The following CTNNBL1 variants were observed in gnomAD, a reference collection of about 807,000 sequenced individuals.
CTNNBL1 encodes beta-catenin-like protein 1.
Under a neutral mutation model 72.7 loss-of-function variants are expected in CTNNBL1, and 31 were observed. That is an observed-to-expected ratio of 0.43 (90% confidence interval 0.32 to 0.58). The LOEUF (loss-of-function observed/expected upper bound fraction) is 0.58, where lower values mean the gene tolerates loss of function less well. Ranked by LOEUF, CTNNBL1 falls within the 20% of genes least tolerant of loss-of-function variation. The probability of loss-of-function intolerance (pLI) is 0.08; values close to 1 mark genes in which losing one functional copy is unlikely to be tolerated. For synonymous variants in CTNNBL1, 240 were observed against 267.3 expected (o/e 0.90, Z 1.00); for missense variants, 534 against 725.1 (o/e 0.74, Z 3.03).
chr20:37,845,237 G>A (rs1279055751), intron 13 of CTNNBL1, among the ~76,000 whole-genome samples: 1 of 152,112 alleles, frequency 6.6e-6, no homozygotes, highest in Non-Finnish European at 1.5e-5. Context: ...TTTTTTTGAG[G>A]GAGACCTAGT....
Position 37,842,332 on chromosome 20 carries a change from C to G in CTNNBL1, c.1312-7C>G, listed in dbSNP as rs767339864. On this transcript the variant is annotated splice_polypyrimidine_tract_variant and splice_region_variant and intron_variant, in intron 12 of 15. Transcript: ENST00000361383. ...TCTCACTCAAGCCTGTGAAATCTCT[C>G]TTTCAGGTTGACAGACTAATGGAGT... is the stretch of plus-strand genomic sequence containing the variant. 6.2e-6 allele frequency: 10 copies of G among 1,604,626 alleles called. No homozygotes were observed. Among genetic ancestry groups the G allele is most frequent in the Non-Finnish European group, 8.5e-6 (10 of 1,171,320 alleles).
chr20:37,705,992 T>C (rs1193065853), intron 1 of CTNNBL1, among the ~76,000 whole-genome samples: 1 of 152,236 alleles, frequency 6.6e-6, no homozygotes, highest in Non-Finnish European at 1.5e-5. Context: ...ATCTTTTGGT[T>C]TCCCAGTGCA....
At chr20:37,830,537 T>G (rs2122790043) in intron 11 of CTNNBL1, among the ~76,000 whole-genome samples, 2 of 152,294 alleles carry the variant, frequency 1.3e-5, no homozygotes, top group Admixed American at 1.3e-4. Flanking sequence ...GAAAGTCAAA[T>G]TTAGGGATTG....
intron 11 of CTNNBL1, among the ~76,000 whole-genome samples, chr20:37,839,299 CTGTT>C (rs1192614801): frequency 2.6e-5 from 4 of 152,278 alleles, no homozygotes; most frequent in East Asian, 3.9e-4. Flanking sequence ...TTCAAATAAA[CTGTT>C]TGTTGTTCAC....
intron 10 of CTNNBL1, among the ~76,000 whole-genome samples, chr20:37,790,204 A>G (rs2073711425): frequency 6.6e-6 from 1 of 152,236 alleles, no homozygotes; most frequent in Admixed American, 6.5e-5. Context: ...CAAAGCATAT[A>G]GATAGGCCAG....
At chr20:37,736,156 G>T (rs2073169857) in intron 2 of CTNNBL1, among the ~76,000 whole-genome samples, 1 of 152,074 alleles carries the variant, frequency 6.6e-6, no homozygotes. Flanking sequence ...AATTCTTGAT[G>T]CTACTTCAGG....
chr20:37,774,490 A>AT (rs2073556632), intron 7 of CTNNBL1, among the ~76,000 whole-genome samples: 1 of 152,166 alleles, frequency 6.6e-6, no homozygotes, highest in Admixed American at 6.5e-5. Flanking sequence ...TCCTGATTAG[A>AT]TTCTTCCTTC....
intron 7 of CTNNBL1, among the ~76,000 whole-genome samples, chr20:37,772,411 C>T (rs373248287): frequency 7.2e-5 from 11 of 152,230 alleles, no homozygotes; most frequent in African/African-American, 9.6e-5. Context: ...AGTGCAGTGG[C>T]GATCTTGGCT....
chr20:37,704,044 TG>T (rs1175711570), intron 1 of CTNNBL1, among the ~76,000 whole-genome samples: 1 of 152,192 alleles, frequency 6.6e-6, no homozygotes, highest in Non-Finnish European at 1.5e-5. Context: ...CCCAAAGTGC[TG>T]GGATTACAGG....
At chr20:37,812,226 G>A (rs1393941019) in intron 11 of CTNNBL1, among the ~76,000 whole-genome samples, 6 of 152,294 alleles carry the variant, frequency 3.9e-5, no homozygotes, top group Middle Eastern at 3.4e-3. Context: ...AGTGTCTGAC[G>A]TAGTCTCTAG....
At chr20:37,865,345 A>G (rs1021047141) in intron 15 of CTNNBL1, among the ~76,000 whole-genome samples, 2 of 152,352 alleles carry the variant, frequency 1.3e-5, no homozygotes, top group Admixed American at 6.5e-5. Flanking sequence ...CCGGCTGGAC[A>G]TGAAAAGGAG....
intron 11 of CTNNBL1, among the ~76,000 whole-genome samples, chr20:37,822,423 T>C (rs925378946): frequency 4.6e-5 from 7 of 152,194 alleles, no homozygotes; most frequent in African/African-American, 1.7e-4. Flanking sequence ...TGGGAATGCA[T>C]CTTGGATTCC....
At chr20:37,806,401 G>A (rs1220686071) in intron 11 of CTNNBL1, among the ~76,000 whole-genome samples, 1 of 152,192 alleles carries the variant, frequency 6.6e-6, no homozygotes, top group Non-Finnish European at 1.5e-5. Context: ...GAAAGGAGAG[G>A]TTTGTTGATG....
chr20:37,746,701 A>C (rs2073268294), intron 4 of CTNNBL1, 94 bp downstream of exon 4: 7 of 1,423,722 alleles, frequency 4.9e-6, no homozygotes, highest in Non-Finnish European at 6.9e-6. Flanking sequence ...TGTGTGCTAT[A>C]AAATCTGATG....
chr20:37,776,111 A>T (rs2122685734), intron 7 of CTNNBL1, among the ~76,000 whole-genome samples: 1 of 152,308 alleles, frequency 6.6e-6, no homozygotes, highest in African/African-American at 2.4e-5. Context: ...GGTTGCATTT[A>T]AGCCCTGACT....
chr20:37,865,159 C>T (rs1294568619), intron 15 of CTNNBL1, among the ~76,000 whole-genome samples: 1 of 152,146 alleles, frequency 6.6e-6, no homozygotes. Context: ...AATTTGACAT[C>T]ACAGGGTGCT....
intron 11 of CTNNBL1, among the ~76,000 whole-genome samples, chr20:37,804,199 A>ATTTTTGTT (rs1406960368): frequency 1.1e-4 from 17 of 152,312 alleles, no homozygotes; most frequent in Admixed American, 1.0e-3. Flanking sequence ...CACTAGCTAT[A>ATTTTTGTT]AATATGTTAA....
At chr20:37,839,293 A>G (rs1168618110) in intron 11 of CTNNBL1, among the ~76,000 whole-genome samples, 1 of 152,210 alleles carries the variant, frequency 6.6e-6, no homozygotes, top group Non-Finnish European at 1.5e-5. Context: ...TCAGTTTTCA[A>G]ATAAACTGTT....
chr20:37,758,751 G>T (rs942222642), intron 5 of CTNNBL1, among the ~76,000 whole-genome samples: 1 of 152,194 alleles, frequency 6.6e-6, no homozygotes, highest in African/African-American at 2.4e-5. Context: ...AAGAATGTTA[G>T]TATTGGTTTT....
Sources: allele counts gnomAD v4.1 joint callset (sites outside exome capture counted in the v4.1 genomes callset), GRCh38; gene constraint gnomAD v4.1.1; transcripts MANE v1.5; gene names NCBI Gene and HGNC (gene_info 2026-07-23, HGNC 2026-07-21).